Variants in GLIS3 observed in about 807,000 individuals in gnomAD.
The protein encoded by GLIS3 is zinc finger protein GLIS3.
Under a neutral mutation model 78.6 loss-of-function variants are expected in GLIS3, and 53 were observed. That is an observed-to-expected ratio of 0.67 (90% CI 0.54 to 0.85). The LOEUF is 0.85. GLIS3 is among the 40% of genes least tolerant of loss of function. GLIS3 has a pLI of 0.00. For synonymous variants in GLIS3, 684 were observed against 509.9 expected, an observed-to-expected ratio of 1.34 and a Z score of -4.60; for missense variants, 1,703 against 1,231.1, an observed-to-expected ratio of 1.38 and a Z score of -5.74.
the GLIS3 span, among the ~76,000 whole-genome samples, chr9:4,439,653 G>A: frequency 6.6e-6 from 1 of 152,138 alleles, no homozygotes; most frequent in Non-Finnish European, 1.5e-5. Flanking sequence ...GATTTCACAT[G>A]AGAGATTATG....
chr9:3,952,017 G>C (rs111364454), intron 4 of GLIS3, among the ~76,000 whole-genome samples: 55 of 151,918 alleles, frequency 3.6e-4, no homozygotes, highest in Non-Finnish European at 6.9e-4. Flanking sequence ...GAGAGAGAGG[G>C]GAAACCAGAA....
the GLIS3 span, among the ~76,000 whole-genome samples, chr9:4,486,001 C>T: frequency 9.2e-5 from 14 of 152,292 alleles, no homozygotes; most frequent in Middle Eastern, 3.4e-3. Context: ...GGATTACAGG[C>T]GTGAGCCGCC....
intron 2 of GLIS3, among the ~76,000 whole-genome samples, chr9:4,253,688 C>A (rs1824624568): frequency 6.6e-6 from 1 of 152,208 alleles, no homozygotes; most frequent in African/African-American, 2.4e-5. Flanking sequence ...TGGGTGTCCG[C>A]CCAAACGGCC....
At chr9:4,341,969 C>CTTAA (rs1563939410) in intron 2 of GLIS3, among the ~76,000 whole-genome samples, 1 of 145,084 alleles carries the variant, frequency 6.9e-6, no homozygotes, top group Non-Finnish European at 1.5e-5. Context: ...TGTTAATTTG[C>CTTAA]TTAAGTTCCT....
At chr9:4,152,092 A>ATT in intron 2 of GLIS3, 2 of 974,444 alleles carry the variant, frequency 2.1e-6, no homozygotes, top group Non-Finnish European at 2.4e-6. Context: ...GTAACACAAT[A>ATT]TTTTTCTACG....
chr9:3,855,320 C>T (rs552564840), intron 9 of GLIS3: 1 of 153,030 alleles, frequency 6.5e-6, no homozygotes, highest in African/African-American at 2.4e-5. Flanking sequence ...CCTTTTCATC[C>T]TCCATTCACC....
intron 2 of GLIS3, among the ~76,000 whole-genome samples, chr9:4,318,148 A>AG (rs200258665): frequency 0.013 from 1,908 of 152,278 alleles, 45 homozygotes; most frequent in African/African-American, 0.044. Context: ...CTTGGGAGCC[A>AG]GGGTCTTGCT....
At chr9:4,013,878 C>T (rs1001419653) in intron 4 of GLIS3, among the ~76,000 whole-genome samples, 1 of 152,112 alleles carries the variant, frequency 6.6e-6, no homozygotes, top group Non-Finnish European at 1.5e-5. Context: ...TAGCACTTGT[C>T]AGGAATTGAG....
rs960710438 is a variant in GLIS3, at chr9:3,827,143, G to C, written c.*1129C>G. 1 of 152,154 alleles carries C rather than the reference G, an allele frequency of 6.6e-6. No individual in the cohort carries two copies. The highest frequency in any genetic ancestry group is 6.5e-5 in the Admixed American group (1 of 15,276). 9.4% of individuals were successfully genotyped at this position (152,154 alleles called of 1,614,324 possible). ...ATATATGAACCACAGTCAGGAAGAG[G>C]GTAAGAGGGATGCAAAAAGAGGGTG... is the stretch of plus-strand genomic sequence containing the variant. On this transcript the variant is annotated 3_prime_UTR_variant, in exon 11 of 11. Transcript: ENST00000381971.
chr9:4,275,866 C>T (rs185185590), intron 2 of GLIS3, among the ~76,000 whole-genome samples: 7 of 152,248 alleles, frequency 4.6e-5, no homozygotes, highest in Non-Finnish European at 7.4e-5. Flanking sequence ...AAAATGGGGC[C>T]GATTACCCCA....
At chr9:3,986,117 T>G (rs983611263) in intron 4 of GLIS3, among the ~76,000 whole-genome samples, 1 of 152,238 alleles carries the variant, frequency 6.6e-6, no homozygotes, top group African/African-American at 2.4e-5. Flanking sequence ...AAATGCATTT[T>G]CAATATCTTA....
chr9:4,205,147 G>A (rs910937008), intron 2 of GLIS3, among the ~76,000 whole-genome samples: 6 of 139,534 alleles, frequency 4.3e-5, no homozygotes, highest in African/African-American at 1.6e-4. Flanking sequence ...CTGCACTCCA[G>A]TCCCTGGGTG....
chr9:3,921,075 G>A (rs774208919), intron 6 of GLIS3, among the ~76,000 whole-genome samples: 4 of 152,174 alleles, frequency 2.6e-5, no homozygotes, highest in Non-Finnish European at 5.9e-5. Flanking sequence ...GAATCTGAAA[G>A]CAAATTGGAG....
intron 2 of GLIS3, among the ~76,000 whole-genome samples, chr9:4,129,262 C>G (rs474296): frequency 0.64 from 97,739 of 151,982 alleles, 31,718 homozygotes; most frequent in South Asian, 0.73. Context: ...TGGGGACTTA[C>G]GCAAATTACT....
chr9:3,983,590 A>G (rs1186651846), intron 4 of GLIS3, among the ~76,000 whole-genome samples: 2 of 152,178 alleles, frequency 1.3e-5, no homozygotes, highest in Non-Finnish European at 2.9e-5. Flanking sequence ...GTGGATAATA[A>G]AGTCCAGGCT....
At chr9:4,368,646 C>A in the GLIS3 span, among the ~76,000 whole-genome samples, 1 of 152,204 alleles carries the variant, frequency 6.6e-6, no homozygotes. Context: ...CCACTGCGCC[C>A]GGCCTGCACA....
the GLIS3 span, among the ~76,000 whole-genome samples, chr9:4,410,984 T>G: frequency 2.0e-5 from 3 of 152,210 alleles, no homozygotes; most frequent in African/African-American, 7.2e-5. Flanking sequence ...TAAAAAGGGT[T>G]ATAATTCCTT....
At chr9:4,314,127 G>A (rs981978650) in intron 2 of GLIS3, among the ~76,000 whole-genome samples, 8 of 152,166 alleles carry the variant, frequency 5.3e-5, no homozygotes, top group African/African-American at 1.9e-4. Flanking sequence ...GCAGCAATGT[G>A]GGAATAGTAA....
intron 2 of GLIS3, among the ~76,000 whole-genome samples, chr9:4,196,147 C>G (rs947365619): frequency 1.1e-4 from 17 of 151,406 alleles, no homozygotes; most frequent in African/African-American, 4.1e-4. Flanking sequence ...CTAGTGGGGA[C>G]TTGGAGAACT....
Sources: allele counts gnomAD v4.1 joint callset (sites outside exome capture counted in the v4.1 genomes callset), GRCh38; gene constraint gnomAD v4.1.1; transcripts MANE v1.5; gene names NCBI Gene and HGNC (gene_info 2026-07-23, HGNC 2026-07-21).